The following CCNY variants were observed in gnomAD, a reference collection of about 807,000 sequenced individuals.
CCNY encodes cyclin-Y.
In CCNY, 19 loss-of-function variants were observed where a neutral mutation model predicts 42.8. The ratio of observed to expected loss-of-function variants is 0.44; its 90% CI spans 0.31 to 0.65. The LOEUF is 0.65. Ranked by LOEUF, CCNY falls within the 30% of genes least tolerant of loss-of-function variation. CCNY has a pLI of 0.07. For missense variants in CCNY, 370 were observed against 437.3 expected (o/e 0.85, Z 1.37); for synonymous variants, 165 against 162.7 (o/e 1.01, Z -0.11).
At chr10:35,472,654 AACCTCTCAGTAT>A (rs1450443574) in intron 1 of CCNY, among the ~76,000 whole-genome samples, 8 of 152,220 alleles carry the variant, frequency 5.3e-5, no homozygotes, top group African/African-American at 1.9e-4. Flanking sequence ...TGGCCCTGAC[AACCTCTCAGTAT>A]ATACTCGTGA....
chr10:35,539,231 A>ATCCATGATCCTTGCATT (rs1236378309), intron 7 of CCNY, among the ~76,000 whole-genome samples: 1 of 152,186 alleles, frequency 6.6e-6, no homozygotes, highest in Non-Finnish European at 1.5e-5. Flanking sequence ...TGGCCATGCC[A>ATCCATGATCCTTGCATT]TCCATGATCC....
chr10:35,398,300 A>G (rs769222200), intron 1 of CCNY, among the ~76,000 whole-genome samples: 3 of 152,248 alleles, frequency 2.0e-5, no homozygotes, highest in Non-Finnish European at 2.9e-5. Flanking sequence ...TGCCAGAGAC[A>G]TGGAAGTGGC....
chr10:35,389,791 C>A (rs1336926003), intron 1 of CCNY, among the ~76,000 whole-genome samples: 1 of 152,060 alleles, frequency 6.6e-6, no homozygotes, highest in Non-Finnish European at 1.5e-5. Flanking sequence ...ATGTTGACTT[C>A]CATAAAACTG....
intron 1 of CCNY, among the ~76,000 whole-genome samples, chr10:35,444,211 C>A (rs1039066949): frequency 2.0e-5 from 3 of 150,518 alleles, no homozygotes; most frequent in Non-Finnish European, 4.5e-5. Context: ...CTCCTGCAGG[C>A]CCTGCCTGAG....
intron 2 of CCNY, among the ~76,000 whole-genome samples, chr10:35,498,181 G>T (rs1840039878): frequency 6.6e-6 from 1 of 152,172 alleles, no homozygotes; most frequent in African/African-American, 2.4e-5. Context: ...AAACTCCTGG[G>T]TAGAGACCCA....
At chr10:35,377,741 A>G (rs922692447) in intron 1 of CCNY, among the ~76,000 whole-genome samples, 1 of 152,252 alleles carries the variant, frequency 6.6e-6, no homozygotes, top group Admixed American at 6.5e-5. Context: ...TTTAAAAAAT[A>G]ACATTATAAT....
Position 35,278,973 on chromosome 10 carries a change from C to T in CCNY, c.-9+28347C>T, listed in dbSNP as rs978299002. Among the ~76,000 whole-genome samples, 14 of 152,198 alleles carry T rather than the reference C, an allele frequency of 9.2e-5. No individual in the cohort carries two copies. In the East Asian group the frequency reaches 1.2e-3, roughly 13 times the overall value. On this transcript the variant is annotated intron_variant, in intron 3 of 11. Transcript: ENST00000374706. ...CAGTACATGATGTTGCTGGTAATGC[C>T]GCCCATAGAAAAACAAACAACCAAA...
chr10:35,277,279 T>C (rs1476822781), intron 3 of CCNY, among the ~76,000 whole-genome samples: 1 of 152,210 alleles, frequency 6.6e-6, no homozygotes, highest in Non-Finnish European at 1.5e-5. Flanking sequence ...TTTAAGCAAG[T>C]AGAGAATACT....
At chr10:35,304,877 G>T (rs1835588246) in intron 3 of CCNY, among the ~76,000 whole-genome samples, 1 of 152,208 alleles carries the variant, frequency 6.6e-6, no homozygotes, top group Admixed American at 6.5e-5. Context: ...CAAGGCAGGG[G>T]AGATCAGAGG....
chr10:35,483,530 TC>T, intron 2 of CCNY, 52 bp downstream of exon 2: 1 of 1,139,106 alleles, frequency 8.8e-7, no homozygotes, highest in Non-Finnish European at 1.3e-6. Flanking sequence ...TGTTGGTACT[TC>T]GCCTAGTGTT....
At chr10:35,387,075 T>G (rs1172184268) in intron 1 of CCNY, among the ~76,000 whole-genome samples, 2 of 152,192 alleles carry the variant, frequency 1.3e-5, no homozygotes, top group Non-Finnish European at 2.9e-5. Context: ...TGAGAGGAAT[T>G]CCACTGTCCT....
At chr10:35,561,311 A>C (rs528646072) in intron 8 of CCNY, among the ~76,000 whole-genome samples, 1 of 152,354 alleles carries the variant, frequency 6.6e-6, no homozygotes, top group Non-Finnish European at 1.5e-5. Flanking sequence ...GGTGGGCTCC[A>C]TCCTATCAAG....
intron 1 of CCNY, among the ~76,000 whole-genome samples, chr10:35,450,600 G>A (rs1273918288): frequency 6.6e-6 from 1 of 152,090 alleles, no homozygotes; most frequent in African/African-American, 2.4e-5. Flanking sequence ...ATTGGGAAGG[G>A]CATCTTGCGG....
intron 1 of CCNY, among the ~76,000 whole-genome samples, chr10:35,355,800 G>T (rs1415469388): frequency 2.0e-5 from 3 of 148,806 alleles, no homozygotes; most frequent in Non-Finnish European, 4.4e-5. Context: ...ACTGATTATC[G>T]TAAGTACTAT....
In CCNY at chr10:35,426,109, GCGCACACACACACACA is replaced by G. The variant is rs1196030765; in HGVS notation, c.155-57293_155-57278del. Among the ~76,000 whole-genome samples the G allele has an allele frequency of 1.2e-3, 134 of 111,766 alleles. 3 individuals carry two copies. The East Asian group carries it at 0.015, about 13-fold the overall frequency. 73.3% of individuals were successfully genotyped at this position (111,766 alleles called of 152,430 possible). ...TCTTCTCCCTTCACTGGTCCAGCAC[GCGCACACACACACACA>G]CACACACACACACACACACACACAC... On this transcript the variant is annotated intron_variant, in intron 1 of 9. Coordinates refer to ENST00000374704, the MANE Select transcript of CCNY (RefSeq NM_145012.6).
At chr10:35,277,979 T>C (rs945572281) in intron 3 of CCNY, among the ~76,000 whole-genome samples, 2 of 152,160 alleles carry the variant, frequency 1.3e-5, no homozygotes, top group African/African-American at 4.8e-5. Context: ...CTCTAAGTGA[T>C]GGGGTCCCTC....
At chr10:35,559,421 A>G (rs1489396663) in intron 8 of CCNY, among the ~76,000 whole-genome samples, 1 of 152,210 alleles carries the variant, frequency 6.6e-6, no homozygotes, top group Non-Finnish European at 1.5e-5. Flanking sequence ...AGAGAAACAG[A>G]AGGAGGAGGA....
At chr10:35,536,923 G>A (rs1840897962) in intron 7 of CCNY, among the ~76,000 whole-genome samples, 1 of 152,110 alleles carries the variant, frequency 6.6e-6, no homozygotes, top group Admixed American at 6.6e-5. Context: ...AAACTTGCAG[G>A]AGAGAATGTT....
Position 35,362,058 on chromosome 10 carries a change from A to T in CCNY, c.154+24851A>T, listed in dbSNP as rs144033188. On this transcript the variant is annotated intron_variant, in intron 1 of 9. Transcript: ENST00000374704. Reference sequence around the variant, plus strand: ...ACTTTCAGGTTATGTGTATAAGGTGAATGTGAAACAGAAATGAATTTTATG... The same window carrying T: ...ACTTTCAGGTTATGTGTATAAGGTGTATGTGAAACAGAAATGAATTTTATG... Among the ~76,000 whole-genome samples the T allele has an allele frequency of 2.4e-3, 369 of 152,342 alleles. 1 individual carries two copies. Among genetic ancestry groups the T allele is most frequent in the Non-Finnish European group, 4.0e-3 (273 of 68,036 alleles).
Sources: gnomAD v4.1 joint callset for allele counts (sites outside exome capture counted in the v4.1 genomes callset) on GRCh38, gnomAD v4.1.1 for gene constraint, MANE v1.5 for transcripts, NCBI Gene and HGNC (gene_info 2026-07-23, HGNC 2026-07-21) for gene names.